Variants in ATG4C observed in about 807,000 individuals in gnomAD.
The protein encoded by ATG4C is cysteine protease ATG4C.
In ATG4C, 56 loss-of-function variants were observed where a neutral mutation model predicts 57.6. The ratio of observed to expected loss-of-function variants is 0.97; its 90% confidence interval spans 0.78 to 1.21. The LOEUF (loss-of-function observed/expected upper bound fraction) is 1.21, where lower values mean the gene tolerates loss of function less well. ATG4C is among the 50% of genes most tolerant of loss of function. ATG4C has a pLI of 0.00. For missense variants in ATG4C, 595 were observed against 529.8 expected, an observed-to-expected ratio of 1.12 and a Z score of -1.21; for synonymous variants, 157 against 174.1, an observed-to-expected ratio of 0.90 and a Z score of 0.78.
intron 6 of ATG4C, among the ~76,000 whole-genome samples, chr1:62,827,847 C>T (rs930258372): frequency 6.6e-6 from 1 of 152,026 alleles, no homozygotes; most frequent in Non-Finnish European, 1.5e-5. Flanking sequence ...GTCTGTTGTT[C>T]CCTTCTTTGT....
chr1:62,794,241 G>A (rs1356961170), intron 1 of ATG4C, among the ~76,000 whole-genome samples: 2 of 152,202 alleles, frequency 1.3e-5, no homozygotes, highest in Non-Finnish European at 2.9e-5. Context: ...TGCAGAAGTG[G>A]AGGTTTTTGC....
At position 62,821,959 on chromosome 1, in the gene ATG4C, C is replaced by T. The variant is rs1381218992; in HGVS notation, c.796+750C>T. Among the ~76,000 whole-genome samples, 3 of 152,016 alleles carry T rather than the reference C, an allele frequency of 2.0e-5. No homozygotes were observed. The East Asian group carries it at 5.8e-4, about 29-fold the overall frequency. ...ATGCAGTCACATGTAGAATTTTTCA[C>T]TTGTGAAAAATGCTGTGCTCAAAAA... On this transcript the variant is annotated intron_variant, in intron 6 of 10. Transcript: ENST00000317868.
intron 10 of ATG4C, 152 bp downstream of exon 10, chr1:62,841,699 C>A: frequency 1.4e-6 from 1 of 695,400 alleles, no homozygotes; most frequent in Non-Finnish European, 2.2e-6. Flanking sequence ...AAAATAAAGC[C>A]ATTTGAGGAA....
At chr1:62,804,303 G>T (rs1664784141) in intron 2 of ATG4C, among the ~76,000 whole-genome samples, 1 of 151,960 alleles carries the variant, frequency 6.6e-6, no homozygotes, top group Non-Finnish European at 1.5e-5. Flanking sequence ...TGTTGGTCAG[G>T]CTGGTCTTGA....
chr1:62,791,636 T>C (rs774015051), intron 1 of ATG4C, among the ~76,000 whole-genome samples: 1 of 152,200 alleles, frequency 6.6e-6, no homozygotes, highest in Non-Finnish European at 1.5e-5. Context: ...CTTTCTCTTC[T>C]TGTAAAGCCA....
At position 62,864,233 on chromosome 1, in the gene ATG4C, A is replaced by C; in HGVS notation, c.*74A>C. The C allele has an allele frequency of 8.2e-7, 1 of 1,225,714 alleles. No individual in the cohort carries two copies. The highest frequency in any genetic ancestry group is 1.1e-6 in the Non-Finnish European group (1 of 885,376). 75.9% of individuals were successfully genotyped at this position (1,225,714 alleles called of 1,614,324 possible). ...AAATGAAGAGAAACAAGTATATCTGAAATGTTTATTTTCACAAATATCTTA... is the reference window on the plus strand; with the variant it reads ...AAATGAAGAGAAACAAGTATATCTGCAATGTTTATTTTCACAAATATCTTA... On this transcript the variant is annotated 3_prime_UTR_variant, in exon 11 of 11. Coordinates refer to ENST00000317868, the MANE Select transcript of ATG4C (RefSeq NM_032852.4).
Position 62,819,029 on chromosome 1 carries a change from A to G in ATG4C, c.419A>G (p.Asn140Ser), listed in dbSNP as rs778356890. 2 of 1,573,134 alleles carry G rather than the reference A, an allele frequency of 1.3e-6. No homozygotes were observed. Among genetic ancestry groups the G allele is most frequent in the South Asian group, 2.4e-5 (2 of 82,588 alleles). Residue 140 changes from asparagine to serine, a missense_variant, in exon 5 of 11, where the codon AAT becomes AGT. Physicochemically the swap from Asn to Ser is conservative, Grantham distance 46 (BLOSUM62 1). Coordinates refer to ENST00000317868, the MANE Select transcript of ATG4C (RefSeq NM_032852.4). ...GCTTGGACCTGGCCTGATGCTTTGA[A>G]TATTGAAAATTCAGACTCTGAATCA... is the stretch of plus-strand genomic sequence containing the variant. ...GRAWTWPDALNIENSDSESWT... is the reference protein window; with the variant it reads ...GRAWTWPDALSIENSDSESWT...
At chr1:62,800,768 C>A (rs1263803327) in intron 1 of ATG4C, among the ~76,000 whole-genome samples, 1 of 152,128 alleles carries the variant, frequency 6.6e-6, no homozygotes, top group Non-Finnish European at 1.5e-5. Flanking sequence ...TTTTTGAGAA[C>A]CAATTCTGTG....
chr1:62,814,086 T>C (rs1013344392), intron 3 of ATG4C, among the ~76,000 whole-genome samples: 20 of 152,098 alleles, frequency 1.3e-4, no homozygotes, highest in Non-Finnish European at 2.5e-4. Flanking sequence ...CCAGCACTCC[T>C]ATTACTAGGT....
At chr1:62,834,331 A>G (rs910392815) in intron 8 of ATG4C, among the ~76,000 whole-genome samples, 7 of 152,108 alleles carry the variant, frequency 4.6e-5, no homozygotes, top group Non-Finnish European at 8.8e-5. Context: ...TAAACAAGGC[A>G]TAATTTATTG....
intron 1 of ATG4C, among the ~76,000 whole-genome samples, chr1:62,788,358 T>A (rs1273461395): frequency 1.3e-5 from 2 of 152,058 alleles, no homozygotes; most frequent in African/African-American, 2.4e-5. Flanking sequence ...CTAGATTCAC[T>A]AGTTGTTAAC....
chr1:62,797,335 C>T (rs12725370), intron 1 of ATG4C, among the ~76,000 whole-genome samples: 21,685 of 152,104 alleles, frequency 0.14, 1,862 homozygotes, highest in Non-Finnish European at 0.19. Context: ...ATTTAGTCAT[C>T]AGCAGATGAT....
chr1:62,810,103 T>C (rs1306901625), intron 3 of ATG4C, among the ~76,000 whole-genome samples: 1 of 152,198 alleles, frequency 6.6e-6, no homozygotes, highest in Non-Finnish European at 1.5e-5. Flanking sequence ...GGAAAACACA[T>C]GTACAAGAAT....
At chr1:62,851,860 G>T (rs1041064184) in intron 10 of ATG4C, among the ~76,000 whole-genome samples, 1 of 152,148 alleles carries the variant, frequency 6.6e-6, no homozygotes, top group Non-Finnish European at 1.5e-5. Context: ...ATTGTTGGTG[G>T]ATCAGTGAGC....
At chr1:62,791,428 G>A (rs1016494097) in intron 1 of ATG4C, among the ~76,000 whole-genome samples, 1 of 152,136 alleles carries the variant, frequency 6.6e-6, no homozygotes, top group Non-Finnish European at 1.5e-5. Context: ...GTCTTTCATT[G>A]CTTATAACAG....
intron 3 of ATG4C, among the ~76,000 whole-genome samples, chr1:62,815,958 T>C (rs2100313054): frequency 6.6e-6 from 1 of 152,266 alleles, no homozygotes; most frequent in African/African-American, 2.4e-5. Context: ...GTGCTGAGAT[T>C]ACAGGCGTGA....
intron 10 of ATG4C, among the ~76,000 whole-genome samples, chr1:62,861,594 C>G (rs1666856108): frequency 1.4e-5 from 1 of 72,180 alleles, no homozygotes; most frequent in South Asian, 5.1e-4. Context: ...CACACACACA[C>G]ACACACACAC....
chr1:62,815,145 T>C (rs1381986870), intron 3 of ATG4C, among the ~76,000 whole-genome samples: 2 of 152,166 alleles, frequency 1.3e-5, no homozygotes, highest in Non-Finnish European at 2.9e-5. Context: ...TAGGTTTAAA[T>C]GTATCATGTC....
intron 7 of ATG4C, among the ~76,000 whole-genome samples, chr1:62,830,442 T>A (rs1665806311): frequency 6.6e-6 from 1 of 152,190 alleles, no homozygotes; most frequent in South Asian, 2.1e-4. Flanking sequence ...GTCTTGGAAC[T>A]GATTCCTTTA....
Sources: gnomAD v4.1 joint callset for allele counts (sites outside exome capture counted in the v4.1 genomes callset) on GRCh38, gnomAD v4.1.1 for gene constraint, MANE v1.5 for transcripts, NCBI Gene and HGNC (gene_info 2026-07-23, HGNC 2026-07-21) for gene names.